The following DOT1L variants were observed in gnomAD, a reference collection of about 807,000 sequenced individuals.
DOT1L encodes the protein histone-lysine N-methyltransferase, H3 lysine-79 specific.
In DOT1L, 33 loss-of-function variants were observed where a neutral mutation model predicts 153.3. The ratio of observed to expected loss-of-function variants is 0.22; its 90% CI spans 0.16 to 0.29. DOT1L has a LOEUF of 0.29. Ranked by LOEUF, DOT1L falls within the 10% of genes least tolerant of loss-of-function variation. DOT1L has a pLI of 1.00. For synonymous variants in DOT1L, 1,135 were observed against 965.1 expected (o/e 1.18, Z -3.26); for missense variants, 1,847 against 2,119.9 (o/e 0.87, Z 2.53).
intron 2 of DOT1L, among the ~76,000 whole-genome samples, chr19:2,182,721 G>A (rs952224287): frequency 6.6e-6 from 1 of 152,150 alleles, no homozygotes; most frequent in Non-Finnish European, 1.5e-5. Flanking sequence ...AGCTGCACCT[G>A]CTCCCCATGG....
chr19:2,173,032 T>G (rs899374709), intron 1 of DOT1L, among the ~76,000 whole-genome samples: 1 of 151,916 alleles, frequency 6.6e-6, no homozygotes, highest in Non-Finnish European at 1.5e-5. Flanking sequence ...TGTTTTAGTA[T>G]ATTCACAGAT....
At chr19:2,179,807 A>G (rs1368683234) in intron 1 of DOT1L, among the ~76,000 whole-genome samples, 1 of 152,182 alleles carries the variant, frequency 6.6e-6, no homozygotes, top group Non-Finnish European at 1.5e-5. Context: ...AAACAAACAG[A>G]AAAAAGACAT....
chr19:2,227,370 C>G (rs1339274345), intron 27 of DOT1L: 2 of 719,152 alleles, frequency 2.8e-6, no homozygotes, highest in Non-Finnish European at 5.1e-6. Flanking sequence ...CAGAAGGCCA[C>G]CGTGCGCAGG....
At chr19:2,227,635 C>T (rs1285538701) in intron 27 of DOT1L, 3 of 1,207,514 alleles carry the variant, frequency 2.5e-6, no homozygotes, top group East Asian at 6.9e-5. Context: ...ACACGCCTGG[C>T]GGCGCCGTTT....
Position 2,208,877 on chromosome 19 carries a change from C to G in DOT1L, c.964-58C>G, listed in dbSNP as rs1423041070. 6.3e-7 allele frequency: 1 copy of G among 1,575,554 alleles called. No individual in the cohort carries two copies. The highest frequency in any genetic ancestry group is 8.7e-7 in the Non-Finnish European group (1 of 1,153,622). On this transcript the variant is annotated intron_variant, in intron 11 of 27. Transcript: ENST00000398665. This position sits in a 1 kb window ranked among gnomAD's most constrained non-coding sequence, Gnocchi z 4.4. ...TGCTGTTGTTACCTGGGTGTCCAGA[C>G]AAATCCGAACAGAGATTGGGACTCC...
chr19:2,205,549 ACAGT>A (rs1241311181), intron 9 of DOT1L, among the ~76,000 whole-genome samples: 1 of 152,118 alleles, frequency 6.6e-6, no homozygotes, highest in Non-Finnish European at 1.5e-5. Context: ...TTTATCACTG[ACAGT>A]CAGTTAGAAT....
Position 2,166,945 on chromosome 19 carries a change from C to T in DOT1L, c.81+2680C>T, listed in dbSNP as rs73916860. 4.9e-3 allele frequency among the ~76,000 whole-genome samples: 746 copies of T among 152,298 alleles called. 7 individuals are homozygous for T. The highest frequency in any genetic ancestry group is 0.017 in the African/African-American group (711 of 41,566). On this transcript the variant is annotated intron_variant, in intron 1 of 27. Coordinates refer to ENST00000398665, the MANE Select transcript of DOT1L (RefSeq NM_032482.3). ...AGTTCTGCCATTCTCAGAAAGTTGGCTGAATGGAATCAACAGCATGTTGCC... is the reference window on the plus strand; with the variant it reads ...AGTTCTGCCATTCTCAGAAAGTTGGTTGAATGGAATCAACAGCATGTTGCC...
rs1257755782 is a variant in DOT1L, at chr19:2,193,470, C to T, written c.494-219C>T. On this transcript the variant is annotated intron_variant, in intron 5 of 27. Transcript: ENST00000398665. This position sits in a 1 kb window ranked among gnomAD's most constrained non-coding sequence, Gnocchi z 5.9. Reference sequence around the variant, plus strand: ...GCCACCAAGTGATGTCCATGGATGACGCGTTGTGATGACCGTCCCCTCGTG... The same window carrying T: ...GCCACCAAGTGATGTCCATGGATGATGCGTTGTGATGACCGTCCCCTCGTG... 6.6e-6 allele frequency among the ~76,000 whole-genome samples: 1 copy of T among 152,164 alleles called. No homozygotes were observed. Among genetic ancestry groups the T allele is most frequent in the African/African-American group, 2.4e-5 (1 of 41,444 alleles).
intron 27 of DOT1L, chr19:2,227,385 C>A (rs779144034): frequency 2.8e-6 from 2 of 705,950 alleles, no homozygotes; most frequent in Non-Finnish European, 5.2e-6. Context: ...CGCAGGGCCA[C>A]CAGAGCATTA....
At chr19:2,182,815 G>A (rs902931552) in intron 2 of DOT1L, among the ~76,000 whole-genome samples, 2 of 152,312 alleles carry the variant, frequency 1.3e-5, no homozygotes, top group South Asian at 4.1e-4. Context: ...TGCCTCTCTG[G>A]CTGCATGCTC....
At chr19:2,228,278 C>T (rs759035157) in intron 27 of DOT1L, 8 of 1,357,984 alleles carry the variant, frequency 5.9e-6, no homozygotes, top group Non-Finnish European at 6.9e-6. Flanking sequence ...CGGGGCCGTC[C>T]GCGGTGTGGG....
chr19:2,166,414 A>T (rs1244289223), intron 1 of DOT1L, among the ~76,000 whole-genome samples: 1 of 135,250 alleles, frequency 7.4e-6, no homozygotes, highest in Non-Finnish European at 1.6e-5. Flanking sequence ...ATTTATTTAT[A>T]TTTATTTATT....
chr19:2,213,212 C>T, intron 16 of DOT1L: 1 of 257,934 alleles, frequency 3.9e-6, no homozygotes, highest in Non-Finnish European at 7.6e-6. Flanking sequence ...GTGAAAAGTC[C>T]ATCCCCTGGT....
intron 18 of DOT1L, 77 bp downstream of exon 18, chr19:2,214,063 G>C (rs1279625442): frequency 3.3e-6 from 5 of 1,525,564 alleles, no homozygotes; most frequent in Non-Finnish European, 8.8e-7. Flanking sequence ...CTGTGCGGGT[G>C]GGAGGCTCTG....
In DOT1L at chr19:2,230,279, C is replaced by G. The variant is rs1331767194; in HGVS notation, c.*487C>G. On this transcript the variant is annotated 3_prime_UTR_variant, in exon 28 of 28. Transcript: ENST00000398665. ...GGCCGGCTCCCCCGACGCGCTGCTC[C>G]CGTACCAAAGGCAGGCCCGTCGCCA... 1.4e-5 allele frequency: 6 copies of G among 423,248 alleles called. No individual in the cohort carries two copies. In the Admixed American group the frequency reaches 2.4e-4, roughly 17 times the overall value. The allele number at this position is 423,248 out of a possible 1,614,324, so 26.2% of individuals were successfully genotyped here.
chr19:2,166,003 T>C (rs1312709545), intron 1 of DOT1L, among the ~76,000 whole-genome samples: 2 of 151,912 alleles, frequency 1.3e-5, no homozygotes, highest in South Asian at 2.1e-4. Context: ...ATCTCCTGAC[T>C]TCGTGATCCA....
chr19:2,197,127 C>T lies in DOT1L; in HGVS notation c.651+2550C>T, dbSNP rs144032062. ...GGCCTGCGGTGCTTCCTTGCGGCCA[C>T]GCCTGTCTGGTTTGGTCTCTGGGTG... On this transcript the variant is annotated intron_variant, in intron 7 of 27. Coordinates refer to ENST00000398665, the MANE Select transcript of DOT1L (RefSeq NM_032482.3). This position sits in a 1 kb window ranked among gnomAD's most constrained non-coding sequence, Gnocchi z 4.1. Among the ~76,000 whole-genome samples the T allele has an allele frequency of 6.6e-6, 1 of 152,192 alleles. No homozygotes were observed. The highest frequency in any genetic ancestry group is 1.5e-5 in the Non-Finnish European group (1 of 68,004).
At chr19:2,225,545 T>G in intron 26 of DOT1L, 93 bp downstream of exon 26, 1 of 1,336,424 alleles carries the variant, frequency 7.5e-7, no homozygotes, top group South Asian at 1.2e-5. Context: ...GCCCGCTGCA[T>G]CGTGTCCCGC....
chr19:2,222,717 G>C lies in DOT1L; in HGVS notation c.3390+158G>C, dbSNP rs994155370. ...ACATCAAGACCATCCTGGCTAACACGGTGAAACCCCGTCTCTACCAAAAAT... is the reference window on the plus strand; with the variant it reads ...ACATCAAGACCATCCTGGCTAACACCGTGAAACCCCGTCTCTACCAAAAAT... On this transcript the variant is annotated intron_variant, in intron 24 of 27. Coordinates refer to ENST00000398665, the MANE Select transcript of DOT1L (RefSeq NM_032482.3). This position sits in a 1 kb window ranked among gnomAD's most constrained non-coding sequence, Gnocchi z 6.5. The C allele has an allele frequency of 1.4e-6, 1 of 712,874 alleles. No homozygotes were observed. The highest frequency in any genetic ancestry group is 1.8e-5 in the African/African-American group (1 of 55,664). 44.2% of individuals were successfully genotyped at this position (712,874 alleles called of 1,614,324 possible). A position where few individuals can be genotyped will look rare whatever the true frequency, so the allele number is the denominator to read the frequency against.
Sources: allele counts gnomAD v4.1 joint callset (sites outside exome capture counted in the v4.1 genomes callset), GRCh38; gene constraint gnomAD v4.1.1; non-coding constraint Gnocchi (gnomAD v3.1); transcripts MANE v1.5; gene names NCBI Gene and HGNC (gene_info 2026-07-23, HGNC 2026-07-21).